RNF182: variants seen among roughly 807,000 people sequenced by gnomAD.
RNF182 encodes E3 ubiquitin-protein ligase RNF182.
In RNF182, 15 loss-of-function variants were observed where a neutral mutation model predicts 14.4. The observed-to-expected ratio is 1.04, with a 90% CI of 0.70 to 1.60. The LOEUF is 1.60. Among genes scored for constraint, RNF182 ranks in the 40% most tolerant of loss-of-function variants. The pLI is 0.00. For synonymous variants in RNF182, 128 were observed against 122.9 expected (o/e 1.04, Z -0.27); for missense variants, 268 against 294.8 (o/e 0.91, Z 0.67).
At chr6:13,960,135 AAGGAC>A (rs1040680215) in intron 1 of RNF182, among the ~76,000 whole-genome samples, 6 of 152,180 alleles carry the variant, frequency 3.9e-5, no homozygotes, top group Admixed American at 3.3e-4. Context: ...GAAGAAGGTG[AAGGAC>A]AGGTGAGACA....
chr6:13,963,112 T>C (rs1194853061), intron 1 of RNF182, among the ~76,000 whole-genome samples: 2 of 152,230 alleles, frequency 1.3e-5, no homozygotes, highest in African/African-American at 4.8e-5. Context: ...GTAGAGCTTA[T>C]GCAGTGTTTC....
chr6:13,933,021 TG>T (rs945916279), intron 1 of RNF182, among the ~76,000 whole-genome samples: 2 of 152,188 alleles, frequency 1.3e-5, no homozygotes, highest in African/African-American at 4.8e-5. Context: ...AATTAAAATA[TG>T]GTTGCTTATT....
chr6:13,947,521 A>G (rs975005611), intron 1 of RNF182, among the ~76,000 whole-genome samples: 2 of 152,178 alleles, frequency 1.3e-5, no homozygotes, highest in South Asian at 2.1e-4. Context: ...TTTGGCTTTG[A>G]TGGAACTGTG....
In RNF182 at chr6:13,925,000, G is replaced by C. The variant is rs1047082138; in HGVS notation, c.-390G>C. The C allele has an allele frequency of 1.8e-5, 2 of 111,718 alleles. No individual in the cohort carries two copies. The highest frequency in any genetic ancestry group is 8.5e-5 in the Admixed American group (1 of 11,750). 6.9% of individuals were successfully genotyped at this position (111,718 alleles called of 1,614,324 possible). Reference sequence around the variant, plus strand: ...CGCCGCCGCAGCCGGAGCGGCTCCCGGGCCCTGGGCCGCCGCCGGCCAGGT... The same window carrying C: ...CGCCGCCGCAGCCGGAGCGGCTCCCCGGCCCTGGGCCGCCGCCGGCCAGGT... On this transcript the variant is annotated 5_prime_UTR_variant, in exon 1 of 3. Coordinates refer to ENST00000488300, the MANE Select transcript of RNF182 (RefSeq NM_152737.4).
In RNF182 at chr6:13,977,422, G is replaced by T. The variant is rs765863960; in HGVS notation, c.303G>T (p.Leu101=). 2 of 1,614,148 alleles carry T rather than the reference G, an allele frequency of 1.2e-6. No homozygotes were observed. The highest frequency in any genetic ancestry group is 3.3e-5 in the Admixed American group (2 of 60,026). ...LTCGGKGKKC[L]PENPTELLLT... is the part of the protein sequence containing the mutation. The stretch of plus-strand genomic sequence containing the variant: ...GTGGAGGCAAAGGGAAGAAGTGCCT[G>T]CCAGAGAACCCTACTGAGCTGCTGC... Residue 101 remains leucine (L), a synonymous_variant, in exon 3 of 3, where the codon CTG becomes CTT. Transcript: ENST00000488300.
chr6:13,937,675 A>G (rs1287859534), intron 1 of RNF182, among the ~76,000 whole-genome samples: 1 of 152,236 alleles, frequency 6.6e-6, no homozygotes, highest in Non-Finnish European at 1.5e-5. Context: ...GCATCTGTGT[A>G]GAAGTAGAAA....
At chr6:13,955,040 TG>T (rs1260484536) in intron 1 of RNF182, among the ~76,000 whole-genome samples, 3 of 152,314 alleles carry the variant, frequency 2.0e-5, no homozygotes, top group Non-Finnish European at 4.4e-5. Context: ...TTTTTTGCTT[TG>T]TGATTTTGGC....
At chr6:13,953,095 G>C (rs1759637000) in intron 1 of RNF182, among the ~76,000 whole-genome samples, 1 of 152,068 alleles carries the variant, frequency 6.6e-6, no homozygotes, top group South Asian at 2.1e-4. Flanking sequence ...TTATTTACTG[G>C]GTTTGTTAAG....
At chr6:13,973,094 C>G (rs1760235022) in intron 1 of RNF182, among the ~76,000 whole-genome samples, 1 of 152,202 alleles carries the variant, frequency 6.6e-6, no homozygotes, top group African/African-American at 2.4e-5. Context: ...ATCAGCATGA[C>G]CTGGATGTGA....
In RNF182 at chr6:13,948,144, A is replaced by G. The variant is rs539960352; in HGVS notation, c.-367+23121A>G. Among the ~76,000 whole-genome samples, 10 of 152,308 alleles carry G rather than the reference A, an allele frequency of 6.6e-5. No individual in the cohort carries two copies. In the South Asian group the frequency reaches 2.1e-3, roughly 32 times the overall value. Reference sequence around the variant, plus strand: ...GTCTATGCAATTCCTGTTTTTCTCAATATTTATGAATACATTAGTTTTCCA... The same window carrying G: ...GTCTATGCAATTCCTGTTTTTCTCAGTATTTATGAATACATTAGTTTTCCA... On this transcript the variant is annotated intron_variant, in intron 1 of 2. Coordinates refer to ENST00000488300, the MANE Select transcript of RNF182 (RefSeq NM_152737.4).
intron 1 of RNF182, among the ~76,000 whole-genome samples, chr6:13,952,139 C>T (rs898337188): frequency 6.6e-6 from 1 of 152,126 alleles, no homozygotes; most frequent in Non-Finnish European, 1.5e-5. Flanking sequence ...GGGCGAAAAG[C>T]ATTGTCTGTT....
chr6:13,957,610 G>GAT (rs1176637916), intron 1 of RNF182, among the ~76,000 whole-genome samples: 2 of 152,160 alleles, frequency 1.3e-5, no homozygotes, highest in Non-Finnish European at 2.9e-5. Flanking sequence ...CTGGAGAAGA[G>GAT]ATGGTGTATT....
intron 1 of RNF182, among the ~76,000 whole-genome samples, chr6:13,973,937 C>T (rs1426036727): frequency 6.6e-6 from 1 of 152,134 alleles, no homozygotes; most frequent in Non-Finnish European, 1.5e-5. Flanking sequence ...TTGGACCTGG[C>T]TTTCACTGAA....
chr6:13,930,874 A>G (rs762859773), intron 1 of RNF182, among the ~76,000 whole-genome samples: 30 of 152,334 alleles, frequency 2.0e-4, no homozygotes, highest in South Asian at 4.1e-4. Flanking sequence ...CAGAGTTGGT[A>G]GATTTAAAAA....
At chr6:13,940,456 G>C (rs1460251368) in intron 1 of RNF182, among the ~76,000 whole-genome samples, 1 of 152,108 alleles carries the variant, frequency 6.6e-6, no homozygotes, top group African/African-American at 2.4e-5. Context: ...TAGCTGAATA[G>C]TGCCTCCCTT....
chr6:13,950,271 C>T (rs946134439), intron 1 of RNF182, among the ~76,000 whole-genome samples: 1 of 152,140 alleles, frequency 6.6e-6, no homozygotes, highest in African/African-American at 2.4e-5. Flanking sequence ...GTCTGACCTT[C>T]CCAGCCTAGT....
intron 1 of RNF182, among the ~76,000 whole-genome samples, chr6:13,953,620 G>T (rs1759653123): frequency 6.6e-6 from 1 of 152,152 alleles, no homozygotes; most frequent in Non-Finnish European, 1.5e-5. Flanking sequence ...CTTAGAGAAA[G>T]GAAATTTCTC....
intron 1 of RNF182, among the ~76,000 whole-genome samples, chr6:13,968,458 G>A (rs2113641214): frequency 6.6e-6 from 1 of 152,314 alleles, no homozygotes; most frequent in East Asian, 1.9e-4. Flanking sequence ...GGAATCATAT[G>A]AAATTACAGC....
At chr6:13,958,927 T>C (rs9464516) in intron 1 of RNF182, among the ~76,000 whole-genome samples, 2,568 of 152,248 alleles carry the variant, frequency 0.017, 51 homozygotes, top group African/African-American at 0.051. Context: ...TGAATTCTTA[T>C]TCTTGTTAGT....
Sources: gnomAD v4.1 joint callset for allele counts (sites outside exome capture counted in the v4.1 genomes callset) on GRCh38, gnomAD v4.1.1 for gene constraint, MANE v1.5 for transcripts, NCBI Gene and HGNC (gene_info 2026-07-23, HGNC 2026-07-21) for gene names.